KCNQ3: variants seen among roughly 807,000 people sequenced by gnomAD.
KCNQ3 encodes potassium voltage-gated channel subfamily Q member 3.
Under a neutral mutation model 92.5 loss-of-function variants are expected in KCNQ3, and 30 were observed. The ratio of observed to expected loss-of-function variants is 0.32; its 90% confidence interval spans 0.24 to 0.44. KCNQ3 has a LOEUF of 0.44. KCNQ3 is among the 20% of genes least tolerant of loss of function. The pLI, the probability that KCNQ3 is intolerant of heterozygous loss-of-function variation, is 1.00. For missense variants in KCNQ3, 913 were observed against 1,140.3 expected, an observed-to-expected ratio of 0.80 and a Z score of 2.87; for synonymous variants, 450 against 468.8, an observed-to-expected ratio of 0.96 and a Z score of 0.52.
chr8:132,479,552 C>G (rs1822494095), intron 1 of KCNQ3, among the ~76,000 whole-genome samples: 1 of 151,976 alleles, frequency 6.6e-6, no homozygotes, highest in Non-Finnish European at 1.5e-5. Context: ...TTGGCCAGTC[C>G]CAGCTCCCAG....
At chr8:132,435,536 T>TG (rs1050041256) in intron 1 of KCNQ3, among the ~76,000 whole-genome samples, 10 of 152,168 alleles carry the variant, frequency 6.6e-5, no homozygotes, top group African/African-American at 2.4e-4. Context: ...AAAGCACCTT[T>TG]GGGGGATATG....
chr8:132,287,336 A>G, intron 1 of KCNQ3, among the ~76,000 whole-genome samples: 1 of 152,214 alleles, frequency 6.6e-6, no homozygotes, highest in East Asian at 1.9e-4. Context: ...TAAAACTGAA[A>G]CCAAGCTGAA....
intron 1 of KCNQ3, among the ~76,000 whole-genome samples, chr8:132,478,361 G>C (rs2130872589): frequency 6.6e-6 from 1 of 152,258 alleles, no homozygotes; most frequent in Middle Eastern, 3.4e-3. Flanking sequence ...GGACCCCCAG[G>C]TTTTTCAGTC....
intron 1 of KCNQ3, among the ~76,000 whole-genome samples, chr8:132,469,152 T>C (rs1049700980): frequency 2.0e-5 from 3 of 152,210 alleles, no homozygotes; most frequent in African/African-American, 7.2e-5. Context: ...TTGGGGAAGC[T>C]AACATCCCTA....
intron 1 of KCNQ3, among the ~76,000 whole-genome samples, chr8:132,379,790 C>T (rs1278965120): frequency 6.6e-6 from 1 of 152,040 alleles, no homozygotes; most frequent in African/African-American, 2.4e-5. Flanking sequence ...TGGAATATAT[C>T]TCACCAAATT....
chr8:132,379,525 A>G (rs1819690609), intron 1 of KCNQ3, among the ~76,000 whole-genome samples: 1 of 152,094 alleles, frequency 6.6e-6, no homozygotes, highest in Non-Finnish European at 1.5e-5. Context: ...TGATGCCCAC[A>G]TCCCACAAGG....
rs1418558443 is a variant in KCNQ3, at chr8:132,172,620, T to G, written c.1118A>C (p.Lys373Thr). Residue 373 changes from lysine to threonine, a missense_variant, in exon 7 of 15, where the codon AAG becomes ACG. Lys to Thr is a moderately conservative substitution (Grantham distance 78). This residue lies in a region of KCNQ3 where 52 missense variants were observed against 127.7 expected (regional missense o/e 0.41). Transcript: ENST00000388996. ...HRQKHFEKRR[K>T]PAAELIQAAW... ...GACCTGAATGAGCTCAGCAGCTGGC[T>G]TCCTCCTTTTCTCAAAGTGCTTCTG... The G allele has an allele frequency of 1.2e-6, 2 of 1,613,988 alleles. No individual in the cohort carries two copies. The highest frequency in any genetic ancestry group is 2.7e-5 in the African/African-American group (2 of 74,948).
intron 1 of KCNQ3, among the ~76,000 whole-genome samples, chr8:132,408,745 C>A (rs1305323173): frequency 1.3e-5 from 2 of 152,140 alleles, no homozygotes; most frequent in African/African-American, 4.8e-5. Flanking sequence ...GAGCATGTTG[C>A]CATGTAACCA....
At chr8:132,408,492 G>A (rs981742891) in intron 1 of KCNQ3, among the ~76,000 whole-genome samples, 1 of 152,198 alleles carries the variant, frequency 6.6e-6, no homozygotes, top group Admixed American at 6.5e-5. Flanking sequence ...ACGCTAGGCA[G>A]ACTTGTAAGA....
chr8:132,411,282 T>C (rs1053085250), intron 1 of KCNQ3, among the ~76,000 whole-genome samples: 12 of 152,164 alleles, frequency 7.9e-5, no homozygotes, highest in African/African-American at 2.7e-4. Flanking sequence ...AGAAGAGCTC[T>C]AAGAGACCAC....
intron 1 of KCNQ3, among the ~76,000 whole-genome samples, chr8:132,463,157 C>G (rs562208185): frequency 1.3e-5 from 2 of 152,154 alleles, no homozygotes; most frequent in Non-Finnish European, 2.9e-5. Context: ...ATTAAAAAGA[C>G]CAGACTGTGT....
At chr8:132,464,546 T>C (rs1822129266) in intron 1 of KCNQ3, among the ~76,000 whole-genome samples, 1 of 152,240 alleles carries the variant, frequency 6.6e-6, no homozygotes, top group South Asian at 2.1e-4. Context: ...GGTTTTATGA[T>C]TCCACTTTCC....
intron 1 of KCNQ3, among the ~76,000 whole-genome samples, chr8:132,240,334 G>A (rs770039753): frequency 6.6e-6 from 1 of 151,900 alleles, no homozygotes; most frequent in Non-Finnish European, 1.5e-5. Flanking sequence ...TTACAGGCAT[G>A]CGCCACCATG....
intron 1 of KCNQ3, among the ~76,000 whole-genome samples, chr8:132,273,503 G>T (rs1816228390): frequency 6.6e-6 from 1 of 152,226 alleles, no homozygotes; most frequent in Admixed American, 6.5e-5. Flanking sequence ...GGGAGGGGCT[G>T]CCGTGAAGAC....
chr8:132,329,769 C>A (rs1344962393), intron 1 of KCNQ3, among the ~76,000 whole-genome samples: 1 of 152,186 alleles, frequency 6.6e-6, no homozygotes, highest in African/African-American at 2.4e-5. Flanking sequence ...AGAGGACAAA[C>A]AAAGCAGCTT....
chr8:132,153,902 C>T (rs915842547), intron 9 of KCNQ3, among the ~76,000 whole-genome samples: 12 of 152,120 alleles, frequency 7.9e-5, no homozygotes, highest in Non-Finnish European at 1.0e-4. Flanking sequence ...GAGCCAGGGA[C>T]ACCTATTCCC....
chr8:132,395,949 C>T (rs553716579), intron 1 of KCNQ3, among the ~76,000 whole-genome samples: 2 of 152,166 alleles, frequency 1.3e-5, no homozygotes, highest in East Asian at 1.9e-4. Flanking sequence ...TGGTCACAGC[C>T]GGGCCTGAGT....
intron 1 of KCNQ3, among the ~76,000 whole-genome samples, chr8:132,451,204 C>G (rs2673568): frequency 2.0e-5 from 3 of 152,190 alleles, no homozygotes; most frequent in African/African-American, 7.2e-5. Context: ...CCTGCACATG[C>G]TGTCTTGCCT....
chr8:132,129,630 A>C lies in KCNQ3; in HGVS notation c.2251T>G (p.Leu751Val), dbSNP rs997731026. 1.2e-6 allele frequency: 2 copies of C among 1,614,070 alleles called. No homozygotes were observed. Among genetic ancestry groups the C allele is most frequent in the Non-Finnish European group, 1.7e-6 (2 of 1,180,046 alleles). ...CTCACTCGGGAGTCGAGAAGAGTCA[A>C]GATAGGCAGGACCGTGGGCCTCTCC... The part of the protein sequence containing the change: ...YVERPTVLPI[L>V]TLLDSRVSCH... Residue 751 changes from leucine to valine, a missense_variant, in exon 15 of 15, where the codon TTG becomes GTG. By Grantham distance (32) the Leu-to-Val change is conservative. This residue lies in a region of KCNQ3 where 375 missense variants were observed against 376.4 expected (regional missense o/e 1.00). Transcript: ENST00000388996. This position sits in a 1 kb window ranked among gnomAD's most constrained non-coding sequence, Gnocchi z 5.9.
Sources: gnomAD v4.1 joint callset for allele counts (sites outside exome capture counted in the v4.1 genomes callset) on GRCh38, gnomAD v4.1.1 for gene constraint, gnomAD v4.1.1 regional missense constraint, Gnocchi (gnomAD v3.1) non-coding constraint, MANE v1.5 for transcripts, NCBI Gene and HGNC (gene_info 2026-07-23, HGNC 2026-07-21) for gene names.